The following SLC2A13 variants were observed in gnomAD, a reference collection of about 807,000 sequenced individuals.
SLC2A13 encodes the protein solute carrier family 2 member 13.
Under a neutral mutation model 64.4 loss-of-function variants are expected in SLC2A13, and 32 were observed. The ratio of observed to expected loss-of-function variants is 0.50; its 90% confidence interval spans 0.37 to 0.67. The LOEUF (loss-of-function observed/expected upper bound fraction) is 0.67. Ranked by LOEUF, SLC2A13 falls within the 30% of genes least tolerant of loss-of-function variation. The pLI, the probability that SLC2A13 is intolerant of heterozygous loss-of-function variation, is 0.00. For synonymous variants in SLC2A13, 338 were observed against 327.1 expected (o/e 1.03, Z -0.36); for missense variants, 743 against 829.2 (o/e 0.90, Z 1.28).
intron 3 of SLC2A13, among the ~76,000 whole-genome samples, chr12:40,002,195 G>A (rs1030874878): frequency 4.6e-5 from 7 of 152,302 alleles, no homozygotes; most frequent in East Asian, 1.9e-4. Context: ...CTTATTATGC[G>A]CCAGCCTAAG....
chr12:39,893,921 T>C (rs1407538317), intron 4 of SLC2A13, among the ~76,000 whole-genome samples: 1 of 152,224 alleles, frequency 6.6e-6, no homozygotes. Context: ...TATTGAACAA[T>C]AAATTAACTT....
intron 3 of SLC2A13, among the ~76,000 whole-genome samples, chr12:39,969,279 T>C (rs1946596360): frequency 6.6e-6 from 1 of 152,218 alleles, no homozygotes; most frequent in Non-Finnish European, 1.5e-5. Flanking sequence ...TGTGTCTTTA[T>C]AGTAGCATGA....
chr12:39,875,238 A>C (rs956024676), intron 4 of SLC2A13, among the ~76,000 whole-genome samples: 2 of 152,172 alleles, frequency 1.3e-5, no homozygotes, highest in African/African-American at 4.8e-5. Context: ...CTCCAGGGAA[A>C]AATCATTTCC....
At position 39,799,024 on chromosome 12, in the gene SLC2A13, C is replaced by T. The variant is rs1941677468; in HGVS notation, c.1445+31079G>A. ...TCCTACCATCTTCTCCCCATTATCC[C>T]CACTTCAGATAATACAGCCACCTGA... On this transcript the variant is annotated intron_variant, in intron 7 of 9. Transcript: ENST00000280871. Among the ~76,000 whole-genome samples the T allele has an allele frequency of 1.3e-5, 2 of 150,578 alleles. 1 individual carries two copies. Among genetic ancestry groups the T allele is most frequent in the South Asian group, 4.2e-4 (2 of 4,768 alleles).
chr12:39,986,600 T>G (rs1462893349), intron 3 of SLC2A13, among the ~76,000 whole-genome samples: 1 of 152,054 alleles, frequency 6.6e-6, no homozygotes, highest in Non-Finnish European at 1.5e-5. Flanking sequence ...GGTGACTGAT[T>G]GCTATAAAAC....
intron 2 of SLC2A13, among the ~76,000 whole-genome samples, chr12:40,043,367 C>A (rs756487093): frequency 6.6e-6 from 1 of 152,088 alleles, no homozygotes; most frequent in Non-Finnish European, 1.5e-5. Flanking sequence ...TGGTGACTCA[C>A]ACCTGTAATC....
intron 4 of SLC2A13, among the ~76,000 whole-genome samples, chr12:39,896,628 C>A (rs1210454886): frequency 9.9e-5 from 15 of 151,066 alleles, no homozygotes; most frequent in Non-Finnish European, 4.4e-5. Context: ...ATGTAAATTA[C>A]ATATAACTTC....
At chr12:39,819,532 T>G (rs1345427776) in intron 7 of SLC2A13, among the ~76,000 whole-genome samples, 2 of 152,164 alleles carry the variant, frequency 1.3e-5, no homozygotes, top group African/African-American at 4.8e-5. Flanking sequence ...CACTCCAAAT[T>G]TACACATTCT....
intron 1 of SLC2A13, among the ~76,000 whole-genome samples, chr12:40,069,044 C>T (rs1937855860): frequency 1.3e-5 from 2 of 151,978 alleles, no homozygotes. Context: ...TACATTTATG[C>T]ATCTCATTTG....
chr12:40,053,732 C>T (rs898154415), intron 1 of SLC2A13, among the ~76,000 whole-genome samples: 3 of 152,216 alleles, frequency 2.0e-5, no homozygotes, highest in African/African-American at 4.8e-5. Flanking sequence ...ACCTTAAAAC[C>T]GCTTTATGAA....
intron 4 of SLC2A13, among the ~76,000 whole-genome samples, chr12:39,922,029 G>A (rs1267550368): frequency 6.6e-6 from 1 of 152,116 alleles, no homozygotes; most frequent in African/African-American, 2.4e-5. Flanking sequence ...TAGGGTGACA[G>A]ACATTTCTCA....
chr12:39,978,748 A>T (rs28370741), intron 3 of SLC2A13, among the ~76,000 whole-genome samples: 2 of 152,098 alleles, frequency 1.3e-5, no homozygotes, highest in African/African-American at 4.8e-5. Context: ...GCTGGGGGAG[A>T]GGCGCCCGCC....
intron 3 of SLC2A13, among the ~76,000 whole-genome samples, chr12:39,981,009 G>T (rs1380887636): frequency 6.6e-6 from 1 of 151,742 alleles, no homozygotes; most frequent in Admixed American, 6.6e-5. Context: ...TAGAACTCAG[G>T]ATTAAGAATC....
At chr12:39,911,663 T>C (rs1945434343) in intron 4 of SLC2A13, among the ~76,000 whole-genome samples, 1 of 152,074 alleles carries the variant, frequency 6.6e-6, no homozygotes, top group African/African-American at 2.4e-5. Context: ...GTTTCCACTA[T>C]CTTTTGCAGT....
At chr12:39,978,391 C>G (rs987825116) in intron 3 of SLC2A13, among the ~76,000 whole-genome samples, 4 of 152,176 alleles carry the variant, frequency 2.6e-5, no homozygotes, top group African/African-American at 9.7e-5. Flanking sequence ...CGGGTGATTT[C>G]TGCATTTACA....
chr12:39,765,674 C>T (rs939833177), intron 7 of SLC2A13, among the ~76,000 whole-genome samples: 1 of 152,048 alleles, frequency 6.6e-6, no homozygotes, highest in African/African-American at 2.4e-5. Context: ...AGTCTACCTC[C>T]TCTCATCCCC....
chr12:39,791,071 G>C (rs967411300), intron 7 of SLC2A13, among the ~76,000 whole-genome samples: 8 of 142,630 alleles, frequency 5.6e-5, no homozygotes, highest in African/African-American at 2.1e-4. Flanking sequence ...GGGGTTGTTT[G>C]TTTTTTTCTT....
rs1947338321 is a variant in SLC2A13, at chr12:40,002,616, T to G, written c.925+25685A>C. On this transcript the variant is annotated intron_variant, in intron 3 of 9. Transcript: ENST00000280871. ...TTCAAATTCTTTCATGCAGCAAAAC[T>G]ACTCAGCACATGTCATGAGCTAGGA... Among the ~76,000 whole-genome samples, 5 of 152,210 alleles carry G rather than the reference T, an allele frequency of 3.3e-5. No homozygotes were observed. The South Asian group carries it at 1.0e-3, about 31-fold the overall frequency.
chr12:39,964,933 T>C (rs1428707299), intron 3 of SLC2A13, among the ~76,000 whole-genome samples: 1 of 152,178 alleles, frequency 6.6e-6, no homozygotes, highest in Non-Finnish European at 1.5e-5. Context: ...ATCTACACAT[T>C]AAGTATGAAT....
Sources: allele counts gnomAD v4.1 joint callset (sites outside exome capture counted in the v4.1 genomes callset), GRCh38; gene constraint gnomAD v4.1.1; transcripts MANE v1.5; gene names NCBI Gene and HGNC (gene_info 2026-07-23, HGNC 2026-07-21).